Variants in RASGRF2 observed in about 807,000 individuals in gnomAD.
RASGRF2 encodes the protein ras-specific guanine nucleotide-releasing factor 2.
Under a neutral mutation model 151.0 loss-of-function variants are expected in RASGRF2, and 76 were observed. That is an observed-to-expected ratio of 0.50 (90% CI 0.42 to 0.61). The LOEUF (loss-of-function observed/expected upper bound fraction) is 0.61. Among genes scored for constraint, RASGRF2 ranks in the 20% least tolerant of loss-of-function variants. RASGRF2 has a pLI of 0.00. For missense variants in RASGRF2, 1,148 were observed against 1,564.6 expected (o/e 0.73, Z 4.49); for synonymous variants, 504 against 566.5 (o/e 0.89, Z 1.57).
chr5:81,131,838 G>A (rs769235775), intron 17 of RASGRF2, among the ~76,000 whole-genome samples: 3 of 152,134 alleles, frequency 2.0e-5, no homozygotes, highest in Non-Finnish European at 2.9e-5. Flanking sequence ...TATGCTTTCT[G>A]TGAATGTGGT....
chr5:81,129,787 G>A (rs948469356), intron 17 of RASGRF2, among the ~76,000 whole-genome samples: 4 of 152,104 alleles, frequency 2.6e-5, no homozygotes, highest in Admixed American at 2.0e-4. Flanking sequence ...GTTCTCACTC[G>A]CTAGTCTGCC....
Position 81,080,150 on chromosome 5 carries a change from TTCA to T in RASGRF2, c.921_923del (p.His307del). 6.3e-7 allele frequency: 1 copy of T among 1,598,950 alleles called. No individual in the cohort carries two copies. Among genetic ancestry groups the T allele is most frequent in the South Asian group, 1.2e-5 (1 of 86,686 alleles). On this transcript the variant is annotated inframe_deletion, in exon 6 of 27. Coordinates refer to ENST00000265080, the MANE Select transcript of RASGRF2 (RefSeq NM_006909.3). ...ACAATCATGTTTCTTCATGAAATAT[TTCA>T]TCAAGGACTAAAGGCAAGGATAGCA... is the stretch of plus-strand genomic sequence containing the variant.
intron 1 of RASGRF2, among the ~76,000 whole-genome samples, chr5:81,029,482 C>T (rs777313569): frequency 2.6e-5 from 4 of 152,298 alleles, no homozygotes; most frequent in South Asian, 2.1e-4. Context: ...CAACATTTAC[C>T]GTTCTGCAAT....
At position 81,225,666 on chromosome 5, in the gene RASGRF2, CT is replaced by C. The variant is rs754087604; in HGVS notation, c.3622-4del. On this transcript the variant is annotated splice_polypyrimidine_tract_variant and intron_variant, in intron 26 of 26. Coordinates refer to ENST00000265080, the MANE Select transcript of RASGRF2 (RefSeq NM_006909.3). ...AAAGAGGTAAAAGCTGGGACTTCCCCTTTTTTTTCAGGTCGCACAGTACTTG... is the reference window on the plus strand; with the variant it reads ...AAAGAGGTAAAAGCTGGGACTTCCCCTTTTTTTCAGGTCGCACAGTACTTG... 1.7e-4 allele frequency: 266 copies of C among 1,608,376 alleles called. No homozygotes were observed. The highest frequency in any genetic ancestry group is 1.8e-4 in the Non-Finnish European group (211 of 1,177,966).
rs1752905619 is a variant in RASGRF2, at chr5:81,108,534, G to A, written c.1756-462G>A. The stretch of plus-strand genomic sequence containing the variant: ...AGAGGCAGAGCTTACTAGTGAGACA[G>A]AAGATGAATTCCATCCTAGGAAGCC... On this transcript the variant is annotated intron_variant, in intron 12 of 26. Transcript: ENST00000265080. 3.3e-5 allele frequency among the ~76,000 whole-genome samples: 5 copies of A among 152,318 alleles called. No individual in the cohort carries two copies. The South Asian group carries it at 8.3e-4, about 25-fold the overall frequency.
At chr5:80,965,668 T>A (rs1303366241) in intron 1 of RASGRF2, among the ~76,000 whole-genome samples, 1 of 152,162 alleles carries the variant, frequency 6.6e-6, no homozygotes, top group African/African-American at 2.4e-5. Flanking sequence ...ACTTGTAGTG[T>A]TATAACAATT....
rs1755688384 is a variant in RASGRF2 at position 81,214,340 on chromosome 5, C to A, written c.3355-1536C>A. ...GGACTGTCCCCCAGAGAGGCTGTCT[C>A]TAGAGCCAAGCGCCTTACTCCAGTC... On this transcript the variant is annotated intron_variant, in intron 23 of 26. Coordinates refer to ENST00000265080, the MANE Select transcript of RASGRF2 (RefSeq NM_006909.3). 2.0e-5 allele frequency among the ~76,000 whole-genome samples: 3 copies of A among 152,246 alleles called. No individual in the cohort carries two copies. In the South Asian group the frequency reaches 6.2e-4, roughly 31 times the overall value.
intron 15 of RASGRF2, among the ~76,000 whole-genome samples, chr5:81,120,650 G>T (rs1753281591): frequency 6.6e-6 from 1 of 152,128 alleles, no homozygotes; most frequent in African/African-American, 2.4e-5. Flanking sequence ...GGGAGAAAAG[G>T]AATAAGTTGT....
Position 81,086,872 on chromosome 5 carries a change from A to C in RASGRF2, c.1309A>C (p.Arg437=). 1 of 1,614,194 alleles carries C rather than the reference A, an allele frequency of 6.2e-7. No individual in the cohort carries two copies. The highest frequency in any genetic ancestry group is 8.5e-7 in the Non-Finnish European group (1 of 1,180,010). Residue 437 remains arginine (R), a synonymous_variant, in exon 9 of 27, where the codon AGG becomes CGG. Coordinates refer to ENST00000265080, the MANE Select transcript of RASGRF2 (RefSeq NM_006909.3). The part of the protein sequence containing the change: ...HDEVSDTENI[R]KNLAIERMIV... ...TGAAGTCAGCGACACTGAAAACATA[A>C]GGAAAAACCTTGCCATCGAAAGAAT...
intron 15 of RASGRF2, among the ~76,000 whole-genome samples, chr5:81,120,878 C>T (rs26898): frequency 0.44 from 66,389 of 152,098 alleles, 17,047 homozygotes; most frequent in African/African-American, 0.72. Flanking sequence ...CTGTGGATCC[C>T]TGCGAAGGAA....
At chr5:81,167,725 C>G (rs1469627021) in intron 17 of RASGRF2, among the ~76,000 whole-genome samples, 1 of 152,178 alleles carries the variant, frequency 6.6e-6, no homozygotes, top group African/African-American at 2.4e-5. Flanking sequence ...AAAGCAGATG[C>G]CTCCCCTGGC....
rs576556854 is a variant in RASGRF2 at position 81,203,895 on chromosome 5, A to G, written c.2906+2453A>G. Among the ~76,000 whole-genome samples the G allele has an allele frequency of 2.6e-5, 4 of 152,366 alleles. No individual in the cohort carries two copies. The South Asian group carries it at 8.3e-4, about 32-fold the overall frequency. On this transcript the variant is annotated intron_variant, in intron 19 of 26. Transcript: ENST00000265080. ...CTGGAAAAAGTAGTTTCTGCCGTTA[A>G]GGCCATATGGCCCAAGTGAAACCAG... is the stretch of plus-strand genomic sequence containing the variant.
At chr5:80,998,163 C>T (rs910243803) in intron 1 of RASGRF2, 1 of 152,070 alleles carries the variant, frequency 6.6e-6, no homozygotes, top group Non-Finnish European at 1.5e-5. Flanking sequence ...AGCGGAAATG[C>T]CTGGGTGTTC....
intron 19 of RASGRF2, among the ~76,000 whole-genome samples, chr5:81,206,553 C>A (rs1024957149): frequency 3.3e-5 from 5 of 152,208 alleles, no homozygotes. Flanking sequence ...ACTCAGAGCT[C>A]ACCCAGCTCA....
chr5:81,208,833 G>T (rs1755570454), intron 22 of RASGRF2, among the ~76,000 whole-genome samples: 1 of 152,076 alleles, frequency 6.6e-6, no homozygotes, highest in Non-Finnish European at 1.5e-5. Flanking sequence ...TTACAGGCGT[G>T]AGCCACCGCA....
At chr5:81,206,300 C>T (rs1249192941) in intron 19 of RASGRF2, among the ~76,000 whole-genome samples, 2 of 152,132 alleles carry the variant, frequency 1.3e-5, no homozygotes, top group African/African-American at 4.8e-5. Flanking sequence ...ATCTGGAATG[C>T]AAGGGGGAAG....
chr5:80,989,808 T>C (rs1748590961), intron 1 of RASGRF2, among the ~76,000 whole-genome samples: 1 of 152,234 alleles, frequency 6.6e-6, no homozygotes, highest in Non-Finnish European at 1.5e-5. Flanking sequence ...TATACTGTAG[T>C]TAATCATGCT....
chr5:81,173,244 GGT>G (rs1754699189), intron 17 of RASGRF2, among the ~76,000 whole-genome samples: 3 of 152,110 alleles, frequency 2.0e-5, no homozygotes, highest in Non-Finnish European at 4.4e-5. Flanking sequence ...CAGGTGTGAT[GGT>G]GGGTGCCCGT....
chr5:81,111,970 C>T (rs544892752), intron 13 of RASGRF2, among the ~76,000 whole-genome samples: 1 of 152,302 alleles, frequency 6.6e-6, no homozygotes, highest in South Asian at 2.1e-4. Flanking sequence ...GCTTTAAGGG[C>T]ATAAGCAATG....
Sources: gnomAD v4.1 joint callset for allele counts (sites outside exome capture counted in the v4.1 genomes callset) on GRCh38, gnomAD v4.1.1 for gene constraint, MANE v1.5 for transcripts, NCBI Gene and HGNC (gene_info 2026-07-23, HGNC 2026-07-21) for gene names.